The following ZFAND3 variants were observed in gnomAD, a reference collection of about 807,000 sequenced individuals.
ZFAND3 encodes zinc finger AN1-type containing 3.
Under a neutral mutation model 29.6 loss-of-function variants are expected in ZFAND3, and 10 were observed. That is an observed-to-expected ratio of 0.34 (90% CI 0.21 to 0.57). The LOEUF (loss-of-function observed/expected upper bound fraction) is 0.57. Among genes scored for constraint, ZFAND3 ranks in the 20% least tolerant of loss-of-function variants. The pLI is 0.86. For missense variants in ZFAND3, 230 were observed against 304.5 expected (o/e 0.76, Z 1.82); for synonymous variants, 128 against 112.6 (o/e 1.14, Z -0.87).
At chr6:37,830,538 G>A (rs1763841054) in intron 1 of ZFAND3, among the ~76,000 whole-genome samples, 1 of 152,224 alleles carries the variant, frequency 6.6e-6, no homozygotes. Context: ...AGTGGAAATA[G>A]CAGCAGCTTT....
intron 2 of ZFAND3, among the ~76,000 whole-genome samples, chr6:38,045,962 A>T (rs4714123): frequency 0.29 from 43,768 of 152,142 alleles, 7,047 homozygotes; most frequent in East Asian, 0.57. Flanking sequence ...CGAGAAGAGT[A>T]GCGAACAGTG....
At chr6:37,913,200 T>A (rs1765553832) in intron 1 of ZFAND3, among the ~76,000 whole-genome samples, 1 of 152,182 alleles carries the variant, frequency 6.6e-6, no homozygotes, top group South Asian at 2.1e-4. Context: ...GCCTCTTTTT[T>A]ATGAAATATT....
chr6:38,066,922 C>T (rs1174065453), intron 3 of ZFAND3, among the ~76,000 whole-genome samples: 1 of 152,178 alleles, frequency 6.6e-6, no homozygotes, highest in African/African-American at 2.4e-5. Flanking sequence ...ATATGTCTCC[C>T]TGTCCCAAAC....
At chr6:38,117,358 A>C (rs1045864819) in intron 5 of ZFAND3, among the ~76,000 whole-genome samples, 4 of 149,696 alleles carry the variant, frequency 2.7e-5, no homozygotes, top group African/African-American at 9.9e-5. Flanking sequence ...ACCCAGTCTG[A>C]AATAGCTTTA....
intron 2 of ZFAND3, among the ~76,000 whole-genome samples, chr6:38,058,208 G>A (rs1764168118): frequency 1.3e-5 from 2 of 152,166 alleles, no homozygotes; most frequent in Admixed American, 6.5e-5. Context: ...GTAAGTTTCT[G>A]TGTGTGCATC....
At chr6:37,989,612 T>C (rs1166960337) in intron 2 of ZFAND3, among the ~76,000 whole-genome samples, 1 of 152,138 alleles carries the variant, frequency 6.6e-6, no homozygotes, top group Non-Finnish European at 1.5e-5. Flanking sequence ...GACACAAACA[T>C]TCAGTCCGTA....
intron 3 of ZFAND3, among the ~76,000 whole-genome samples, chr6:38,069,064 TA>T (rs765979636): frequency 7.9e-5 from 12 of 152,232 alleles, no homozygotes; most frequent in Admixed American, 2.6e-4. Flanking sequence ...TGACAAGCCT[TA>T]ATCTGTTCCC....
intron 1 of ZFAND3, among the ~76,000 whole-genome samples, chr6:37,852,355 T>C (rs1027678495): frequency 1.3e-5 from 2 of 152,312 alleles, no homozygotes; most frequent in African/African-American, 4.8e-5. Context: ...GTACAGGACA[T>C]CCTCCACAAC....
At chr6:37,836,606 T>A (rs1156658866) in intron 1 of ZFAND3, among the ~76,000 whole-genome samples, 1 of 152,214 alleles carries the variant, frequency 6.6e-6, no homozygotes, top group Non-Finnish European at 1.5e-5. Context: ...AGCAGTATTC[T>A]GGCCCAGCAT....
chr6:37,984,018 T>C (rs1762624238), intron 2 of ZFAND3, among the ~76,000 whole-genome samples: 1 of 152,244 alleles, frequency 6.6e-6, no homozygotes, highest in African/African-American at 2.4e-5. Context: ...TGTAGGTGAT[T>C]CCATCATTTT....
intron 5 of ZFAND3, among the ~76,000 whole-genome samples, chr6:38,140,690 C>CCAA (rs1765931989): frequency 6.6e-6 from 1 of 152,104 alleles, no homozygotes; most frequent in South Asian, 2.1e-4. Context: ...AAATTGTAAC[C>CCAA]ATTAGGTGAA....
chr6:37,866,081 C>A (rs1022790287), intron 1 of ZFAND3, among the ~76,000 whole-genome samples: 3 of 152,126 alleles, frequency 2.0e-5, no homozygotes, highest in African/African-American at 7.2e-5. Flanking sequence ...TCTGCCTCCT[C>A]CTCCGCCTCC....
chr6:37,974,396 C>CTTTTTTTT (rs1561952553), intron 2 of ZFAND3, among the ~76,000 whole-genome samples: 1 of 86,194 alleles, frequency 1.2e-5, no homozygotes, highest in African/African-American at 4.5e-5. Context: ...CTCTCTCTCT[C>CTTTTTTTT]TCTCTCTTTT....
intron 3 of ZFAND3, among the ~76,000 whole-genome samples, chr6:38,071,035 T>G (rs2127466948): frequency 6.6e-6 from 1 of 151,688 alleles, no homozygotes; most frequent in Non-Finnish European, 1.5e-5. Context: ...TTATTAGCTA[T>G]TTTTTTCTTA....
intron 3 of ZFAND3, among the ~76,000 whole-genome samples, chr6:38,079,000 T>C (rs181798476): frequency 1.3e-5 from 2 of 152,318 alleles, no homozygotes; most frequent in Admixed American, 1.3e-4. Flanking sequence ...TATTTTGTTG[T>C]TGTTGTGGAC....
At chr6:37,912,930 C>T (rs538914144) in intron 1 of ZFAND3, among the ~76,000 whole-genome samples, 18 of 151,982 alleles carry the variant, frequency 1.2e-4, no homozygotes, top group Non-Finnish European at 1.9e-4. Context: ...TTTTGGTTTC[C>T]GAGTACATAT....
At chr6:37,834,850 G>T (rs1763937613) in intron 1 of ZFAND3, among the ~76,000 whole-genome samples, 1 of 69,832 alleles carries the variant, frequency 1.4e-5, no homozygotes, top group African/African-American at 8.0e-5. Context: ...ATGCATGTAT[G>T]TTTCAAAAAA....
chr6:38,018,929 G>A (rs939061132), intron 2 of ZFAND3, among the ~76,000 whole-genome samples: 5 of 152,038 alleles, frequency 3.3e-5, no homozygotes, highest in African/African-American at 4.8e-5. Flanking sequence ...CATTCTCCTG[G>A]CAGCAGAGAA....
At chr6:37,839,403 A>G (rs1336018859) in intron 1 of ZFAND3, among the ~76,000 whole-genome samples, 1 of 151,976 alleles carries the variant, frequency 6.6e-6, no homozygotes. Flanking sequence ...GATGGTCTCG[A>G]TCTCCTGACC....
Sources: allele counts gnomAD v4.1 joint callset (sites outside exome capture counted in the v4.1 genomes callset), GRCh38; gene constraint gnomAD v4.1.1; transcripts MANE v1.5; gene names NCBI Gene and HGNC (gene_info 2026-07-23, HGNC 2026-07-21).